Variants in ZNF234 observed in about 807,000 individuals in gnomAD.
ZNF234 encodes C2-H2 type zinc finger protein.
ZNF234 carries 4 observed loss-of-function variants against 10.3 expected under a neutral mutation model. The observed-to-expected ratio is 0.39, with a 90% CI of 0.19 to 0.89. ZNF234 has a LOEUF of 0.89. Among genes scored for constraint, ZNF234 ranks in the 40% least tolerant of loss-of-function variants. The pLI, the probability that ZNF234 is intolerant of heterozygous loss-of-function variation, is 0.38. For synonymous variants in ZNF234, 258 were observed against 280.1 expected (o/e 0.92, Z 0.79); for missense variants, 711 against 836.1 (o/e 0.85, Z 1.85).
chr19:44,159,678 A>C lies in ZNF234; in HGVS notation c.*1559A>C. 2.3e-6 allele frequency: 1 copy of C among 442,946 alleles called. No individual in the cohort carries two copies. Among genetic ancestry groups the C allele is most frequent in the South Asian group, 1.6e-5 (1 of 64,360 alleles). 27.4% of individuals were successfully genotyped at this position (442,946 alleles called of 1,614,324 possible). A position where few individuals can be genotyped will look rare whatever the true frequency, so the allele number is the denominator to read the frequency against. On this transcript the variant is annotated 3_prime_UTR_variant, in exon 6 of 6. Transcript: ENST00000426739. ...CCCCCTTGAATTTATTTGATTTCTG[A>C]CTTTCCACATTTCCATCCAGACTTT...
chr19:44,149,670 G>C (rs1162718424), intron 4 of ZNF234: 3 of 152,116 alleles, frequency 2.0e-5, no homozygotes, highest in African/African-American at 7.2e-5. Context: ...ATGAGGCAGG[G>C]GTTTGGGGTT....
At chr19:44,142,826 G>C (rs970058879) in intron 2 of ZNF234, among the ~76,000 whole-genome samples, 1 of 152,146 alleles carries the variant, frequency 6.6e-6, no homozygotes, top group African/African-American at 2.4e-5. Context: ...GAAATACGAA[G>C]ATACAAAAAT....
chr19:44,158,144 T>A lies in ZNF234; in HGVS notation c.*25T>A. ...ATTAAAAAAAAAAAAACAGAACTCATGTACAACCTGAATGCTTGTAATTAG... is the reference window on the plus strand; with the variant it reads ...ATTAAAAAAAAAAAAACAGAACTCAAGTACAACCTGAATGCTTGTAATTAG... On this transcript the variant is annotated 3_prime_UTR_variant, in exon 6 of 6. Coordinates refer to ENST00000426739, the MANE Select transcript of ZNF234 (RefSeq NM_006630.3). 6.3e-7 allele frequency: 1 copy of A among 1,579,734 alleles called. No homozygotes were observed. The highest frequency in any genetic ancestry group is 1.4e-5 in the African/African-American group (1 of 72,706).
intron 4 of ZNF234, among the ~76,000 whole-genome samples, chr19:44,149,566 G>A (rs1968686845): frequency 6.6e-6 from 1 of 152,138 alleles, no homozygotes; most frequent in African/African-American, 2.4e-5. Context: ...ATTAATGAGT[G>A]CAGACAGAAA....
intron 5 of ZNF234, among the ~76,000 whole-genome samples, chr19:44,155,072 ATC>A (rs1411746009): frequency 6.6e-6 from 1 of 152,222 alleles, no homozygotes; most frequent in African/African-American, 2.4e-5. Context: ...AAATATTTAT[ATC>A]TCTTTATACA....
intron 2 of ZNF234, among the ~76,000 whole-genome samples, chr19:44,143,569 A>T (rs1446525367): frequency 1.3e-5 from 2 of 150,316 alleles, no homozygotes; most frequent in African/African-American, 4.9e-5. Context: ...AGATTGCGCC[A>T]TTGCACCCCA....
chr19:44,149,023 T>A, intron 4 of ZNF234, 126 bp downstream of exon 4: 1 of 1,120,170 alleles, frequency 8.9e-7, no homozygotes, highest in South Asian at 1.7e-5. Context: ...TTCCTATCAG[T>A]AGTTTTTAGT....
In ZNF234 at chr19:44,157,602, C is replaced by A. The variant is rs767922583; in HGVS notation, c.1586C>A (p.Thr529Asn). The change falls in exon 6 of 6, where the codon ACC becomes AAC. Residue 529 changes from threonine to asparagine, a missense_variant. By Grantham distance (65) the Thr-to-Asn change is moderately conservative. Coordinates refer to ENST00000426739, the MANE Select transcript of ZNF234 (RefSeq NM_006630.3). ...KVFSQASHLL[T>N]HQRVHSGEKP... ...TTCAGTCAGGCCTCGCATCTTCTAA[C>A]CCATCAGAGAGTTCACAGTGGGGAA... The A allele has an allele frequency of 3.7e-6, 6 of 1,611,188 alleles. No homozygotes were observed. Among genetic ancestry groups the A allele is most frequent in the Non-Finnish European group, 5.1e-6 (6 of 1,179,184 alleles).
chr19:44,155,558 A>G (rs1968857690), intron 5 of ZNF234, among the ~76,000 whole-genome samples: 1 of 152,206 alleles, frequency 6.6e-6, no homozygotes, highest in South Asian at 2.1e-4. Flanking sequence ...GATGGCAGAG[A>G]TGGAAGAAAA....
At chr19:44,143,012 T>A (rs367841827) in intron 2 of ZNF234, among the ~76,000 whole-genome samples, 4 of 152,348 alleles carry the variant, frequency 2.6e-5, no homozygotes, top group African/African-American at 7.2e-5. Flanking sequence ...GATAAAGAGA[T>A]AATAAACTAG....
chr19:44,148,751 A>G lies in ZNF234; in HGVS notation c.16-20A>G. Reference sequence around the variant, plus strand: ...AGAGTTTGTTAAAAAGGCTGAAGTAAGGTGTGTTTGATGTTATAGGAGGGA... The same window carrying G: ...AGAGTTTGTTAAAAAGGCTGAAGTAGGGTGTGTTTGATGTTATAGGAGGGA... On this transcript the variant is annotated intron_variant, in intron 3 of 5. Transcript: ENST00000426739. The G allele has an allele frequency of 6.2e-7, 1 of 1,612,708 alleles. No individual in the cohort carries two copies. Among genetic ancestry groups the G allele is most frequent in the Non-Finnish European group, 8.5e-7 (1 of 1,179,156 alleles).
At chr19:44,154,628 C>CTTTTCTTTTTTTT (rs1568552607) in intron 5 of ZNF234, among the ~76,000 whole-genome samples, 1 of 102,430 alleles carries the variant, frequency 9.8e-6, no homozygotes, top group Non-Finnish European at 2.0e-5. Context: ...TTCTCTTTTT[C>CTTTTCTTTTTTTT]TTTTTTTTTT....
rs1431567316 is a variant in ZNF234, at chr19:44,158,210, A to G, written c.*91A>G. 7.5e-7 allele frequency: 1 copy of G among 1,329,054 alleles called. No homozygotes were observed. The highest frequency in any genetic ancestry group is 1.5e-5 in the African/African-American group (1 of 68,738). The allele number at this position is 1,329,054 out of a possible 1,614,324, so 82.3% of individuals were successfully genotyped here. ...AAAATTTTCTTTATCAACCTCTTTG[A>G]ATTTATTTGATTTGTAACGCTCCAC... is the stretch of plus-strand genomic sequence containing the variant. On this transcript the variant is annotated 3_prime_UTR_variant, in exon 6 of 6. Transcript: ENST00000426739.
In ZNF234 at chr19:44,157,919, C is replaced by T. The variant is rs1258647651; in HGVS notation, c.1903C>T (p.Arg635Trp). Residue 635 changes from arginine to tryptophan, a missense_variant, in exon 6 of 6, where the codon CGG (arginine) becomes TGG (tryptophan). Arg to Trp is a moderately radical substitution (Grantham distance 101). Transcript: ENST00000426739. ...KCDVCGKVFS[R>W]SSQLQYHRRV... ...TGATGTATGTGGTAAAGTCTTCAGT[C>T]GGTCTTCACAATTACAGTATCATAG... 23 of 1,613,962 alleles carry T rather than the reference C, an allele frequency of 1.4e-5. No individual in the cohort carries two copies. Among genetic ancestry groups the T allele is most frequent in the Non-Finnish European group, 1.9e-5 (22 of 1,180,008 alleles).
rs1437730439 is a variant in ZNF234, at chr19:44,141,558, G to A, written c.-306G>A. The A allele has an allele frequency of 6.6e-6, 1 of 152,304 alleles. No homozygotes were observed. Among genetic ancestry groups the A allele is most frequent in the African/African-American group, 2.4e-5 (1 of 41,458 alleles). The allele number at this position is 152,304 out of a possible 1,614,324, so 9.4% of individuals were successfully genotyped here. A position where few individuals can be genotyped will look rare whatever the true frequency, so the allele number is the denominator to read the frequency against. On this transcript the variant is annotated 5_prime_UTR_variant, in exon 1 of 6. Transcript: ENST00000426739. This position sits in a 1 kb window ranked among gnomAD's most constrained non-coding sequence, Gnocchi z 4.6. The stretch of plus-strand genomic sequence containing the variant: ...GGAAATGTAGTCCCGCCAATCAGTG[G>A]AGTCGCGGGCACTTCCGCTCCAGGG...
intron 3 of ZNF234, 100 bp downstream of exon 3, chr19:44,144,747 A>C: frequency 9.4e-7 from 1 of 1,066,596 alleles, no homozygotes; most frequent in Non-Finnish European, 1.3e-6. Flanking sequence ...GAACCTGTTT[A>C]TGCTAAGTGC....
chr19:44,149,243 C>T (rs1201459405), intron 4 of ZNF234, among the ~76,000 whole-genome samples: 1 of 152,002 alleles, frequency 6.6e-6, no homozygotes, highest in Non-Finnish European at 1.5e-5. Flanking sequence ...AGTTCGAGAC[C>T]AGCCTGGCCA....
Position 44,148,759 on chromosome 19 carries a change from T to G in ZNF234, c.16-12T>G. On this transcript the variant is annotated splice_polypyrimidine_tract_variant and intron_variant, in intron 3 of 5. Coordinates refer to ENST00000426739, the MANE Select transcript of ZNF234 (RefSeq NM_006630.3). Reference sequence around the variant, plus strand: ...TTAAAAAGGCTGAAGTAAGGTGTGTTTGATGTTATAGGAGGGACTGACCTT... The same window carrying G: ...TTAAAAAGGCTGAAGTAAGGTGTGTGTGATGTTATAGGAGGGACTGACCTT... 6.2e-7 allele frequency: 1 copy of G among 1,613,040 alleles called. No homozygotes were observed. The highest frequency in any genetic ancestry group is 1.1e-5 in the South Asian group (1 of 91,078).
At chr19:44,146,235 C>T (rs1228180860) in intron 3 of ZNF234, among the ~76,000 whole-genome samples, 3 of 152,180 alleles carry the variant, frequency 2.0e-5, no homozygotes, top group Non-Finnish European at 4.4e-5. Context: ...ATGCTCAGCA[C>T]TCCAGGTGCA....
Sources: gnomAD v4.1 joint callset for allele counts (sites outside exome capture counted in the v4.1 genomes callset) on GRCh38, gnomAD v4.1.1 for gene constraint, Gnocchi (gnomAD v3.1) non-coding constraint, MANE v1.5 for transcripts, NCBI Gene and HGNC (gene_info 2026-07-23, HGNC 2026-07-21) for gene names.